Variants in ATRX observed in about 807,000 individuals in gnomAD.
The protein encoded by ATRX is chromatin remodeler ATRX.
A neutral mutation model predicts 172.6 loss-of-function variants in ATRX; 12 were observed. The ratio of observed to expected loss-of-function variants is 0.07; its 90% CI spans 0.04 to 0.11. The LOEUF (loss-of-function observed/expected upper bound fraction) is 0.11. Ranked by LOEUF, ATRX falls within the 10% of genes least tolerant of loss-of-function variation. ATRX has a pLI of 1.00. For missense variants in ATRX, 1,368 were observed against 1,767.4 expected, an observed-to-expected ratio of 0.77 and a Z score of 4.05; for synonymous variants, 674 against 594.7, an observed-to-expected ratio of 1.13 and a Z score of -1.94.
At chrX:77,559,421 C>CATTTATAA (rs2064927082) in intron 28 of ATRX, among the ~76,000 whole-genome samples, 1 of 99,349 alleles carries the variant, frequency 1.0e-5, no homozygotes, top group Non-Finnish European at 2.0e-5. Context: ...GGAACACAAG[C>CATTTATAA]ATTTATAAGG....
chrX:77,551,827 C>A (rs2064538217), intron 30 of ATRX, among the ~76,000 whole-genome samples: 1 of 112,155 alleles, frequency 8.9e-6, no homozygotes, highest in South Asian at 3.7e-4. Flanking sequence ...ACAGACACTT[C>A]TCAAAAGAAG....
chrX:77,529,030 C>T (rs782139010), intron 30 of ATRX, among the ~76,000 whole-genome samples: 1 of 111,854 alleles, frequency 8.9e-6, no homozygotes, highest in South Asian at 3.7e-4. Flanking sequence ...CTATCAATAG[C>T]AGAAGAGACC....
intron 1 of ATRX, among the ~76,000 whole-genome samples, chrX:77,733,660 G>C (rs1379963189): frequency 1.0e-5 from 1 of 96,148 alleles, no homozygotes; most frequent in African/African-American, 3.9e-5. Context: ...CTTGAGGTCA[G>C]GAGTTTGAGA....
At chrX:77,782,548 A>C (rs2076604795) in intron 1 of ATRX, among the ~76,000 whole-genome samples, 1 of 109,891 alleles carries the variant, frequency 9.1e-6, no homozygotes, top group South Asian at 3.8e-4. Flanking sequence ...CAGGAGTTTG[A>C]GACCAGCCTG....
At position 77,711,017 on chromosome X, in the gene ATRX, G is replaced by A. The variant is rs185733534; in HGVS notation, c.133+6114C>T. Among the ~76,000 whole-genome samples, 4 of 111,269 alleles carry A rather than the reference G, an allele frequency of 3.6e-5. No individual in the cohort carries two copies. In the East Asian group the frequency reaches 1.1e-3, roughly 31 times the overall value. On this transcript the variant is annotated intron_variant, in intron 2 of 34. Coordinates refer to ENST00000373344, the MANE Select transcript of ATRX (RefSeq NM_000489.6). ...TAGATTTTATCAATGTCAATTTCCT[G>A]GTTGTGATATTGTATTCTAGTTTTA...
Position 77,750,539 on chromosome X carries a change from G to A in ATRX, c.21-33296C>T, listed in dbSNP as rs1312498467. ...CCATATCTTTTTTTTTTTACTTTAC[G>A]ATCTGAAATACATGTGCAGAACATG... On this transcript the variant is annotated intron_variant, in intron 1 of 34. Transcript: ENST00000373344. Among the ~76,000 whole-genome samples the A allele has an allele frequency of 2.8e-5, 3 of 108,620 alleles. No individual in the cohort carries two copies. In the Admixed American group the frequency reaches 3.0e-4, roughly 11 times the overall value. The allele number at this position is 108,620 out of a possible 115,157, so 94.3% of individuals were successfully genotyped here.
chrX:77,727,624 T>C (rs994278167), intron 1 of ATRX, among the ~76,000 whole-genome samples: 1 of 101,500 alleles, frequency 9.9e-6, no homozygotes, highest in Non-Finnish European at 2.0e-5. Context: ...AAGTGGGAGT[T>C]GAACAATGAG....
chrX:77,697,748 T>G, intron 3 of ATRX, 113 bp from the exon 4 acceptor site: 1 of 594,387 alleles, frequency 1.7e-6, no homozygotes, highest in South Asian at 3.7e-5. Context: ...ATGCTATTTA[T>G]GTGCCTAGAA....
chrX:77,684,870 T>C, intron 8 of ATRX, 69 bp downstream of exon 8: 1 of 971,820 alleles, frequency 1.0e-6, no homozygotes, highest in Non-Finnish European at 1.5e-6. Flanking sequence ...ACAAACCTCA[T>C]AAATGATTAT....
At chrX:77,726,383 A>G (rs1434512645) in intron 1 of ATRX, among the ~76,000 whole-genome samples, 1 of 106,178 alleles carries the variant, frequency 9.4e-6, no homozygotes, top group African/African-American at 3.4e-5. Context: ...ACAAAAAACC[A>G]AACACCGCAT....
At position 77,682,647 on chromosome X, in the gene ATRX, G is replaced by A. The variant is rs143558145; in HGVS notation, c.2609C>T (p.Thr870Ile). Residue 870 changes from threonine (T) to isoleucine (I), a missense_variant, in exon 9 of 35, where the codon ACC becomes ATC. Thr to Ile is a moderately conservative substitution (Grantham distance 89). Coordinates refer to ENST00000373344, the MANE Select transcript of ATRX (RefSeq NM_000489.6). ...MDNQGHKNLK[T>I]SQEGSSDDAE... ...ATCATCAGATGATCCTTCTTGTGAG[G>A]TCTTCAAATTTTTGTGCCCTTGATT... The A allele has an allele frequency of 8.3e-7, 1 of 1,207,351 alleles. No homozygotes were observed. The highest frequency in any genetic ancestry group is 1.1e-6 in the Non-Finnish European group (1 of 894,906).
At chrX:77,598,750 T>C (rs1327336213) in intron 25 of ATRX, among the ~76,000 whole-genome samples, 1 of 111,902 alleles carries the variant, frequency 8.9e-6, no homozygotes, top group African/African-American at 3.2e-5. Context: ...AACTTACATA[T>C]AGGTAAAGAC....
chrX:77,619,630 G>C (rs2067499424), intron 20 of ATRX, among the ~76,000 whole-genome samples: 1 of 111,042 alleles, frequency 9.0e-6, no homozygotes, highest in Non-Finnish European at 1.9e-5. Context: ...TAGGGTAACA[G>C]AATAGAAAAG....
intron 30 of ATRX, among the ~76,000 whole-genome samples, chrX:77,546,409 G>C (rs2064243136): frequency 9.0e-6 from 1 of 111,220 alleles, no homozygotes; most frequent in Non-Finnish European, 1.9e-5. Flanking sequence ...GTACACACAA[G>C]AGTGGTAGAC....
chrX:77,589,210 A>T (rs2066145032), intron 27 of ATRX, among the ~76,000 whole-genome samples: 1 of 112,317 alleles, frequency 8.9e-6, no homozygotes, highest in Admixed American at 9.5e-5. Flanking sequence ...AGAATATATG[A>T]ATCTATTAGA....
At chrX:77,610,674 T>C (rs1279208824) in intron 22 of ATRX, among the ~76,000 whole-genome samples, 1 of 111,138 alleles carries the variant, frequency 9.0e-6, no homozygotes, top group Non-Finnish European at 1.9e-5. Flanking sequence ...ATCCTTTTTA[T>C]TTCACAGAAA....
intron 2 of ATRX, among the ~76,000 whole-genome samples, chrX:77,709,286 G>C (rs1241939954): frequency 8.9e-6 from 1 of 112,014 alleles, no homozygotes; most frequent in Non-Finnish European, 1.9e-5. Context: ...AAACCACAAT[G>C]AGATACCATA....
chrX:77,663,407 T>G lies in ATRX; in HGVS notation c.4095A>C (p.Glu1365Asp). 8.3e-7 allele frequency: 1 copy of G among 1,211,776 alleles called. No homozygotes were observed. ...CCTTTCTTCTGTTTCTGCCTTTGAC[T>G]TCTTTATGCTCTTTAGGCTTTGTCT... ...EKKTKPKEHK[E>D]VKGRNRRKVS... Residue 1365 changes from glutamate to aspartate, a missense_variant, in exon 12 of 35, where the codon GAA becomes GAC. By Grantham distance (45) the Glu-to-Asp change is conservative. This residue lies in a region of ATRX where 119 missense variants were observed against 131.3 expected (regional missense o/e 0.91). Coordinates refer to ENST00000373344, the MANE Select transcript of ATRX (RefSeq NM_000489.6).
intron 1 of ATRX, among the ~76,000 whole-genome samples, chrX:77,783,438 G>T (rs1358129389): frequency 9.0e-6 from 1 of 111,425 alleles, no homozygotes; most frequent in African/African-American, 3.3e-5. Context: ...ATTAGTCAGT[G>T]TATGTTTTAG....
Sources: allele counts gnomAD v4.1 joint callset (sites outside exome capture counted in the v4.1 genomes callset), GRCh38; gene constraint gnomAD v4.1.1; regional missense constraint gnomAD v4.1.1; transcripts MANE v1.5; gene names NCBI Gene and HGNC (gene_info 2026-07-23, HGNC 2026-07-21).